The following PAN3 variants were observed in gnomAD, a reference collection of about 807,000 sequenced individuals.
PAN3 encodes poly(A) specific ribonuclease subunit PAN3.
In PAN3, 19 loss-of-function variants were observed where a neutral mutation model predicts 96.2. That is an observed-to-expected ratio of 0.20 (90% CI 0.14 to 0.29). PAN3 has a LOEUF of 0.29. Ranked by LOEUF, PAN3 falls within the 10% of genes least tolerant of loss-of-function variation. The pLI is 1.00. For missense variants in PAN3, 882 were observed against 1,108.1 expected (o/e 0.80, Z 2.90); for synonymous variants, 433 against 406.6 (o/e 1.06, Z -0.78).
At chr13:28,254,642 C>T (rs1884994515) in intron 6 of PAN3, among the ~76,000 whole-genome samples, 1 of 151,848 alleles carries the variant, frequency 6.6e-6, no homozygotes, top group South Asian at 2.1e-4. Flanking sequence ...TTAAAAACAG[C>T]TCTGGAATAG....
chr13:28,168,562 T>TA (rs1873876040), intron 1 of PAN3, among the ~76,000 whole-genome samples: 1 of 152,086 alleles, frequency 6.6e-6, no homozygotes, highest in Non-Finnish European at 1.5e-5. Flanking sequence ...ATACTAAAAA[T>TA]ACAAAAATTA....
chr13:28,266,917 G>T (rs1407685820), intron 10 of PAN3, 41 bp downstream of exon 10: 2 of 1,479,354 alleles, frequency 1.4e-6, no homozygotes, highest in Non-Finnish European at 9.0e-7. Flanking sequence ...TCGTATCATT[G>T]AGGCTAAGAT....
At chr13:28,161,863 C>G (rs575365106) in intron 1 of PAN3, among the ~76,000 whole-genome samples, 1 of 152,306 alleles carries the variant, frequency 6.6e-6, no homozygotes, top group African/African-American at 2.4e-5. Flanking sequence ...TCTTGTCCAC[C>G]TGCTTTGGAT....
intron 4 of PAN3, among the ~76,000 whole-genome samples, chr13:28,180,922 C>T (rs1875689326): frequency 6.6e-6 from 1 of 151,962 alleles, no homozygotes; most frequent in Non-Finnish European, 1.5e-5. Flanking sequence ...AACATTTACT[C>T]AGCAGCATAT....
rs149819329 is a variant in PAN3, at chr13:28,243,846, G to A, written c.1001-12446G>A. On this transcript the variant is annotated intron_variant, in intron 6 of 18. Coordinates refer to ENST00000380958, the MANE Select transcript of PAN3 (RefSeq NM_175854.8). ...TGGGATTACAGGTGTGCGCCACCACGCCCAACTAACTTTTGTATTTTTAGT... is the reference window on the plus strand; with the variant it reads ...TGGGATTACAGGTGTGCGCCACCACACCCAACTAACTTTTGTATTTTTAGT... Among the ~76,000 whole-genome samples, 1,041 of 152,044 alleles carry A rather than the reference G, an allele frequency of 6.8e-3. 11 individuals are homozygous for A. Among genetic ancestry groups the A allele is most frequent in the African/African-American group, 0.024 (1,006 of 41,458 alleles).
intron 1 of PAN3, among the ~76,000 whole-genome samples, chr13:28,169,222 CTTTTTT>C (rs202200725): frequency 1.3e-5 from 1 of 74,990 alleles, no homozygotes; most frequent in Non-Finnish European, 2.4e-5. Flanking sequence ...TTTTTGTTTG[CTTTTTT>C]TTTTTTTTTT....
intron 1 of PAN3, among the ~76,000 whole-genome samples, chr13:28,140,714 C>T (rs1869647015): frequency 6.6e-6 from 1 of 152,066 alleles, no homozygotes; most frequent in Non-Finnish European, 1.5e-5. Flanking sequence ...TTTCTCCTTT[C>T]TCTCTTCTTT....
chr13:28,214,755 A>C, intron 5 of PAN3: 1 of 545,154 alleles, frequency 1.8e-6, no homozygotes, highest in Non-Finnish European at 3.4e-6. Context: ...TAGAAACTTG[A>C]GACCAACAAG....
In PAN3 at chr13:28,154,843, C is replaced by G. The variant is rs1179702246; in HGVS notation, c.430+15756C>G. On this transcript the variant is annotated intron_variant, in intron 1 of 18. Coordinates refer to ENST00000380958, the MANE Select transcript of PAN3 (RefSeq NM_175854.8). ...TTTTTCTTTTCTTTTTTTTTTGAGA[C>G]GGAGTCTCGCTCTGTCATCCAGGCT... Among the ~76,000 whole-genome samples, 17 of 138,212 alleles carry G rather than the reference C, an allele frequency of 1.2e-4. No individual in the cohort carries two copies. The South Asian group carries it at 2.8e-3, about 23-fold the overall frequency. The allele number at this position is 138,212 out of a possible 152,430, so 90.7% of individuals were successfully genotyped here.
At chr13:28,170,008 C>G (rs1052559595) in intron 1 of PAN3, among the ~76,000 whole-genome samples, 72 of 152,234 alleles carry the variant, frequency 4.7e-4, no homozygotes, top group African/African-American at 1.7e-3. Context: ...GATCACACCA[C>G]TGCACTCTAG....
At chr13:28,214,653 C>T in intron 5 of PAN3, 2 of 433,590 alleles carry the variant, frequency 4.6e-6, no homozygotes, top group South Asian at 2.2e-5. Context: ...AAGGAGGCTG[C>T]TGAGATGGGA....
chr13:28,141,735 C>T (rs374439308), intron 1 of PAN3, among the ~76,000 whole-genome samples: 4 of 152,228 alleles, frequency 2.6e-5, no homozygotes, highest in African/African-American at 9.6e-5. Flanking sequence ...CTAGGGATTA[C>T]TGGCGGGAGC....
intron 5 of PAN3, chr13:28,214,697 A>G (rs1880513973): frequency 2.2e-6 from 1 of 462,850 alleles, no homozygotes; most frequent in Non-Finnish European, 4.0e-6. Context: ...GGTCTTGGAT[A>G]AACTGAAAGC....
intron 3 of PAN3, among the ~76,000 whole-genome samples, chr13:28,177,330 T>G (rs1875151414): frequency 6.6e-6 from 1 of 152,238 alleles, no homozygotes; most frequent in Non-Finnish European, 1.5e-5. Context: ...CTGTCTTAAC[T>G]TAATATTTTA....
At chr13:28,208,561 T>C (rs963397593) in intron 5 of PAN3, among the ~76,000 whole-genome samples, 2 of 152,148 alleles carry the variant, frequency 1.3e-5, no homozygotes, top group African/African-American at 4.8e-5. Context: ...TGAATCCATT[T>C]AGTGGTTGAG....
chr13:28,194,466 A>ATATATATATATTTTT lies in PAN3; in HGVS notation c.691-2718_691-2717insATATATATATTTTTT, dbSNP rs1429166016. On this transcript the variant is annotated intron_variant, in intron 4 of 18. Coordinates refer to ENST00000380958, the MANE Select transcript of PAN3 (RefSeq NM_175854.8). The stretch of plus-strand genomic sequence containing the variant: ...TATATGTATGTATATATATATATAT[A>ATATATATATATTTTT]TTTTTTTTTTTTTTTTTTTGTAGAG... 1.3e-3 allele frequency among the ~76,000 whole-genome samples: 163 copies of ATATATATATATTTTT among 122,098 alleles called. 2 individuals carry two copies. Among genetic ancestry groups the ATATATATATATTTTT allele is most frequent in the African/African-American group, 5.5e-3 (153 of 27,644 alleles). 80.1% of individuals were successfully genotyped at this position (122,098 alleles called of 152,430 possible).
chr13:28,236,309 C>T (rs1231995878), intron 6 of PAN3, among the ~76,000 whole-genome samples: 7 of 152,132 alleles, frequency 4.6e-5, no homozygotes, highest in East Asian at 1.9e-4. Flanking sequence ...GAATCACATA[C>T]GGTGCTTTGA....
chr13:28,247,983 G>A (rs1459536880), intron 6 of PAN3, among the ~76,000 whole-genome samples: 1 of 152,134 alleles, frequency 6.6e-6, no homozygotes, highest in African/African-American at 2.4e-5. Context: ...GATAGACTGT[G>A]TTGAATCTGT....
At chr13:28,183,450 C>G (rs1438907222) in intron 4 of PAN3, among the ~76,000 whole-genome samples, 1 of 152,150 alleles carries the variant, frequency 6.6e-6, no homozygotes, top group Non-Finnish European at 1.5e-5. Context: ...CTCCGCTTGT[C>G]AAGATGGAGG....
Sources: allele counts gnomAD v4.1 joint callset (sites outside exome capture counted in the v4.1 genomes callset), GRCh38; gene constraint gnomAD v4.1.1; transcripts MANE v1.5; gene names NCBI Gene and HGNC (gene_info 2026-07-23, HGNC 2026-07-21).